DLC1: variants seen among roughly 807,000 people sequenced by gnomAD.
The protein encoded by DLC1 is rho GTPase-activating protein 7.
Under a neutral mutation model 140.3 loss-of-function variants are expected in DLC1, and 54 were observed. The observed-to-expected ratio is 0.38, with a 90% CI of 0.31 to 0.48. DLC1 has a LOEUF of 0.48. Ranked by LOEUF, DLC1 falls within the 20% of genes least tolerant of loss-of-function variation. DLC1 has a pLI of 0.96. For missense variants in DLC1, 2,536 were observed against 1,907.0 expected (o/e 1.33, Z -6.14); for synonymous variants, 986 against 728.1 (o/e 1.35, Z -5.70).
rs571867272 is a variant in DLC1, at chr8:13,311,006, A to G, written c.1315-5704T>C. Among the ~76,000 whole-genome samples the G allele has an allele frequency of 3.9e-5, 6 of 152,316 alleles. No individual in the cohort carries two copies. The East Asian group carries it at 1.2e-3, about 29-fold the overall frequency. On this transcript the variant is annotated intron_variant, in intron 4 of 17. Transcript: ENST00000276297. ...ACATTTTCTGTTTTTTACTTGTTCT[A>G]AATAATAGACATGCATACATTTATG... is the stretch of plus-strand genomic sequence containing the variant.
Position 13,085,963 on chromosome 8 carries a change from T to C in DLC1, c.4467-32A>G, listed in dbSNP as rs192017489. 1,635 of 1,607,316 alleles carry C rather than the reference T, an allele frequency of 1.0e-3. 21 individuals carry two copies. The South Asian group carries it at 0.011, about 11-fold the overall frequency. ...GAGAAAAGAAAGAAAAGCTGATGAA[T>C]TATTTAAGTTAGAAAGCATGGAAAT... On this transcript the variant is annotated intron_variant, in intron 17 of 17. Transcript: ENST00000276297.
intron 5 of DLC1, among the ~76,000 whole-genome samples, chr8:13,205,316 T>G (rs1031822622): frequency 2.0e-5 from 3 of 152,190 alleles, no homozygotes; most frequent in Admixed American, 2.0e-4. Context: ...TTTATATCAT[T>G]TTTTAATTGA....
intron 5 of DLC1, among the ~76,000 whole-genome samples, chr8:13,230,790 T>C (rs545817225): frequency 6.6e-6 from 1 of 152,122 alleles, no homozygotes; most frequent in Non-Finnish European, 1.5e-5. Context: ...AGAGATGGGG[T>C]TTCACTATGT....
intron 5 of DLC1, among the ~76,000 whole-genome samples, chr8:13,294,402 G>A (rs756616230): frequency 1.9e-4 from 29 of 152,144 alleles, no homozygotes; most frequent in Non-Finnish European, 3.7e-4. Flanking sequence ...GTACAAAAAC[G>A]ACCAGTTCAG....
chr8:13,509,890 A>G (rs1389532470), intron 1 of DLC1, among the ~76,000 whole-genome samples: 1 of 152,158 alleles, frequency 6.6e-6, no homozygotes, highest in Non-Finnish European at 1.5e-5. Flanking sequence ...TAATGAAAAA[A>G]CTGTTGAGGG....
intron 2 of DLC1, among the ~76,000 whole-genome samples, chr8:13,414,447 C>T (rs896165485): frequency 1.3e-5 from 2 of 152,148 alleles, no homozygotes; most frequent in Non-Finnish European, 2.9e-5. Flanking sequence ...CCTGGCTTGA[C>T]CAATTTAATG....
intron 5 of DLC1, among the ~76,000 whole-genome samples, chr8:13,228,660 A>C (rs1054362836): frequency 6.6e-6 from 1 of 152,150 alleles, no homozygotes; most frequent in African/African-American, 2.4e-5. Flanking sequence ...TGAGGCAAGA[A>C]GATTGCTTCA....
chr8:13,350,294 G>A (rs999634511), intron 4 of DLC1, among the ~76,000 whole-genome samples: 2 of 151,022 alleles, frequency 1.3e-5, no homozygotes, highest in Non-Finnish European at 3.0e-5. Flanking sequence ...TAACACCTCA[G>A]GTTTATCATT....
In DLC1 at chr8:13,331,983, C is replaced by T. The variant is rs538560346; in HGVS notation, c.1315-26681G>A. Among the ~76,000 whole-genome samples the T allele has an allele frequency of 1.6e-4, 25 of 152,292 alleles. No homozygotes were observed. The East Asian group carries it at 4.8e-3, about 29-fold the overall frequency. On this transcript the variant is annotated intron_variant, in intron 4 of 17. Transcript: ENST00000276297. ...TGTATGTAACTTCTACACACAAAGACTCAAACCATGTTAGGTTGATGTCAG... is the reference window on the plus strand; with the variant it reads ...TGTATGTAACTTCTACACACAAAGATTCAAACCATGTTAGGTTGATGTCAG...
chr8:13,465,032 C>T (rs1585154412), intron 2 of DLC1, among the ~76,000 whole-genome samples: 1 of 151,890 alleles, frequency 6.6e-6, no homozygotes, highest in African/African-American at 2.4e-5. Flanking sequence ...ATGCATAGCT[C>T]CCTGCAATGT....
intron 2 of DLC1, among the ~76,000 whole-genome samples, chr8:13,405,959 T>A: frequency 6.8e-6 from 1 of 146,024 alleles, no homozygotes; most frequent in African/African-American, 2.5e-5. Flanking sequence ...CTTTCTTTCT[T>A]TCTTTCTTTC....
intron 5 of DLC1, among the ~76,000 whole-genome samples, chr8:13,137,176 C>A (rs114893650): frequency 2.7e-3 from 415 of 152,204 alleles, no homozygotes; most frequent in African/African-American, 9.6e-3. Flanking sequence ...CAAACAGTGG[C>A]GCTTTACCTC....
At position 13,100,246 on chromosome 8, in the gene DLC1, G is replaced by A. The variant is rs534340696; in HGVS notation, c.2091C>T (p.Pro697=). 14 of 1,614,148 alleles carry A rather than the reference G, an allele frequency of 8.7e-6. No homozygotes were observed. In the South Asian group the frequency reaches 1.4e-4, roughly 16 times the overall value. The change falls in exon 9 of 18, where the codon CCC becomes CCT. Residue 697 remains proline (P), a synonymous_variant. Transcript: ENST00000276297. ...PSKLGLIISG[P]ILQEGMDEEK... is the part of the protein sequence containing the mutation. Reference sequence around the variant, plus strand: ...CCTCATCCATCCCCTCTTGCAAGATGGGCCCGCTGATGATCAACCCCAGCT... The same window carrying A: ...CCTCATCCATCCCCTCTTGCAAGATAGGCCCGCTGATGATCAACCCCAGCT...
At chr8:13,431,161 A>G (rs1563340377) in intron 2 of DLC1, among the ~76,000 whole-genome samples, 1 of 152,184 alleles carries the variant, frequency 6.6e-6, no homozygotes, top group Non-Finnish European at 1.5e-5. Context: ...GAGAAGTCCA[A>G]GAGGATGACT....
At chr8:13,416,175 G>T (rs958798197) in intron 2 of DLC1, among the ~76,000 whole-genome samples, 2 of 152,022 alleles carry the variant, frequency 1.3e-5, no homozygotes, top group Admixed American at 6.6e-5. Flanking sequence ...TATCACTTTG[G>T]TCCTGTTTCA....
At chr8:13,396,858 C>G (rs1415103043) in intron 3 of DLC1, among the ~76,000 whole-genome samples, 3 of 152,186 alleles carry the variant, frequency 2.0e-5, no homozygotes, top group Non-Finnish European at 4.4e-5. Context: ...CTTTAATTTT[C>G]CACTGCTACC....
At chr8:13,552,019 G>GTA (rs534463053) in intron 1 of DLC1, among the ~76,000 whole-genome samples, 1,915 of 138,446 alleles carry the variant, frequency 0.014, 52 homozygotes, top group African/African-American at 0.049. Context: ...ATATGTGTGT[G>GTA]TATATATATA....
chr8:13,158,958 C>T (rs891639), intron 5 of DLC1, among the ~76,000 whole-genome samples: 151,947 of 152,194 alleles, frequency 1, 75,850 homozygotes, highest in East Asian at 1. Context: ...TGAACCTTTG[C>T]GTTGAGATGG....
chr8:13,364,300 C>CT (rs34178675), intron 4 of DLC1, among the ~76,000 whole-genome samples: 8,763 of 141,814 alleles, frequency 0.062, 883 homozygotes, highest in African/African-American at 0.22. Context: ...GGTAATGAAA[C>CT]TTTTTTTTTT....
Sources: allele counts gnomAD v4.1 joint callset (sites outside exome capture counted in the v4.1 genomes callset), GRCh38; gene constraint gnomAD v4.1.1; transcripts MANE v1.5; gene names NCBI Gene and HGNC (gene_info 2026-07-23, HGNC 2026-07-21).